Variants in NEBL observed in about 807,000 individuals in gnomAD.
NEBL encodes the protein LIM and SH3 protein 2.
NEBL carries 122 observed loss-of-function variants against 140.2 expected under a neutral mutation model. The observed-to-expected ratio is 0.87, with a 90% CI of 0.75 to 1.01. The LOEUF (loss-of-function observed/expected upper bound fraction) is 1.01, where lower values mean the gene tolerates loss of function less well. Among genes scored for constraint, NEBL ranks in the 50% least tolerant of loss-of-function variants. The pLI, the probability that NEBL is intolerant of heterozygous loss-of-function variation, is 0.00. For synonymous variants in NEBL, 436 were observed against 398.9 expected (o/e 1.09, Z -1.11); for missense variants, 1,365 against 1,231.3 (o/e 1.11, Z -1.62).
intron 4 of NEBL, among the ~76,000 whole-genome samples, chr10:20,957,438 T>C (rs946387556): frequency 8.5e-5 from 13 of 152,134 alleles, no homozygotes; most frequent in Admixed American, 3.9e-4. Flanking sequence ...TTCTTATAAA[T>C]GGGTATGCGA....
chr10:20,973,976 T>C (rs1407674604), intron 3 of NEBL, among the ~76,000 whole-genome samples: 2 of 152,206 alleles, frequency 1.3e-5, no homozygotes, highest in South Asian at 2.1e-4. Context: ...TTGGATTTTA[T>C]ACCCCAGTAT....
At chr10:21,117,026 T>C (rs1229424460) in intron 2 of NEBL, among the ~76,000 whole-genome samples, 1 of 152,096 alleles carries the variant, frequency 6.6e-6, no homozygotes, top group East Asian at 1.9e-4. Context: ...ACTTTGTTGG[T>C]GCTGGAGCTT....
intron 11 of NEBL, among the ~76,000 whole-genome samples, 153 bp downstream of exon 11, chr10:20,850,242 C>T (rs1588793474): frequency 6.6e-6 from 1 of 152,164 alleles, no homozygotes; most frequent in African/African-American, 2.4e-5. Context: ...TAGACAAGAT[C>T]CCAGGCAGTG....
intron 2 of NEBL, among the ~76,000 whole-genome samples, chr10:21,065,194 C>T (rs1246434325): frequency 3.3e-5 from 5 of 152,068 alleles, no homozygotes; most frequent in African/African-American, 4.8e-5. Flanking sequence ...AAATCTGACC[C>T]CACAGCATAT....
At chr10:21,084,267 C>T (rs971829596) in intron 2 of NEBL, among the ~76,000 whole-genome samples, 2 of 152,246 alleles carry the variant, frequency 1.3e-5, no homozygotes, top group Non-Finnish European at 2.9e-5. Flanking sequence ...TGCAGCTATA[C>T]ATACATTGTT....
At chr10:21,268,869 A>G (rs1410352632) in intron 1 of NEBL, among the ~76,000 whole-genome samples, 2 of 152,204 alleles carry the variant, frequency 1.3e-5, no homozygotes, top group African/African-American at 4.8e-5. Flanking sequence ...ACAAGAAGAT[A>G]GGGTGGATTA....
At chr10:20,916,184 C>T (rs1848548248) in intron 4 of NEBL, among the ~76,000 whole-genome samples, 1 of 152,114 alleles carries the variant, frequency 6.6e-6, no homozygotes, top group East Asian at 1.9e-4. Context: ...AATTTTAGAA[C>T]TACAGGCAAG....
intron 1 of NEBL, among the ~76,000 whole-genome samples, chr10:21,172,894 C>G (rs1841143914): frequency 6.6e-6 from 1 of 152,188 alleles, no homozygotes; most frequent in African/African-American, 2.4e-5. Flanking sequence ...CGAAGTCAGG[C>G]AAGCTGAGGG....
intron 26 of NEBL, among the ~76,000 whole-genome samples, chr10:20,804,085 G>C (rs1271933262): frequency 6.6e-6 from 1 of 151,934 alleles, no homozygotes; most frequent in Non-Finnish European, 1.5e-5. Flanking sequence ...AAGAGCTAGA[G>C]ATACAACAGT....
chr10:20,877,925 A>C (rs186198926), intron 5 of NEBL, among the ~76,000 whole-genome samples: 1 of 152,224 alleles, frequency 6.6e-6, no homozygotes, highest in Non-Finnish European at 1.5e-5. Flanking sequence ...TCTTTTGCCT[A>C]GTAAACCTCC....
At chr10:20,858,182 C>T in intron 9 of NEBL, 58 bp downstream of exon 9, 2 of 1,326,808 alleles carry the variant, frequency 1.5e-6, no homozygotes, top group Non-Finnish European at 2.2e-6. Context: ...ACGCTGCAGA[C>T]ATATTGGCTT....
rs145325750 is a variant in NEBL at position 21,247,192 on chromosome 10, T to C, written n.348+729A>G. Among the ~76,000 whole-genome samples, 21 of 152,332 alleles carry C rather than the reference T, an allele frequency of 1.4e-4. No individual in the cohort carries two copies. The East Asian group carries it at 4.1e-3, about 29-fold the overall frequency. On this transcript the variant is annotated intron_variant and non_coding_transcript_variant, in intron 3 of 8. Coordinates refer to the NEBL transcript ENST00000675702. ...GGAACTGTAAGTCAATTAAACCTCT[T>C]TCCTTCATAAATTACCCAGTCTCAC...
At chr10:21,067,703 A>G (rs1358952561) in intron 2 of NEBL, among the ~76,000 whole-genome samples, 1 of 152,178 alleles carries the variant, frequency 6.6e-6, no homozygotes, top group African/African-American at 2.4e-5. Flanking sequence ...AATACAGGCT[A>G]GGCACGGTGG....
At chr10:21,191,895 A>G (rs1841579996) in intron 3 of NEBL, among the ~76,000 whole-genome samples, 1 of 152,240 alleles carries the variant, frequency 6.6e-6, no homozygotes, top group Admixed American at 6.5e-5. Context: ...GGAGACCTAG[A>G]GACAGTGGGA....
chr10:20,868,710 C>A lies in NEBL; in HGVS notation c.638G>T (p.Arg213Ile), dbSNP rs1554792904. ...IMNKEPAVIG[R>I]PDFEHAVEAS... ...TTCCACGGCATGTTCAAAATCTGGT[C>A]TTCCAATTACAGCGGGCTCTTTATT... The change falls in exon 7 of 28, where the codon AGA (arginine) becomes ATA (isoleucine). Residue 213 changes from arginine (R) to isoleucine (I), a missense_variant. Arg to Ile is a moderately conservative substitution (Grantham distance 97). Coordinates refer to ENST00000377122, the MANE Select transcript of NEBL (RefSeq NM_006393.3). 2 of 1,613,074 alleles carry A rather than the reference C, an allele frequency of 1.2e-6. No individual in the cohort carries two copies. Among genetic ancestry groups the A allele is most frequent in the East Asian group, 2.2e-5 (1 of 44,800 alleles).
rs73607590 is a variant in NEBL at position 21,099,148 on chromosome 10, A to G, written c.164+73235T>C. ...ACCCTGTCTCTAAAAATAAAAATAA[A>G]ATCAAAACAGAGTGAAGCATATATA... On this transcript the variant is annotated intron_variant, in intron 2 of 6. Coordinates refer to the NEBL transcript ENST00000417816. 2.5e-3 allele frequency among the ~76,000 whole-genome samples: 383 copies of G among 152,344 alleles called. 1 individual carries two copies. The highest frequency in any genetic ancestry group is 8.3e-3 in the African/African-American group (344 of 41,582).
intron 2 of NEBL, among the ~76,000 whole-genome samples, chr10:21,167,241 C>T (rs778206074): frequency 2.0e-5 from 3 of 152,256 alleles, no homozygotes; most frequent in Admixed American, 6.5e-5. Context: ...TTAAAGTCTT[C>T]GGAAACCATG....
At chr10:21,133,394 T>C (rs141770489) in intron 2 of NEBL, among the ~76,000 whole-genome samples, 136 of 152,310 alleles carry the variant, frequency 8.9e-4, no homozygotes, top group African/African-American at 3.1e-3. Flanking sequence ...TGTGACCTGT[T>C]ACAATTTCTC....
intron 19 of NEBL, among the ~76,000 whole-genome samples, chr10:20,820,375 A>T (rs1839177146): frequency 6.6e-6 from 1 of 152,220 alleles, no homozygotes; most frequent in African/African-American, 2.4e-5. Context: ...CAGAATGGCA[A>T]ATGAACTTTT....
Sources: gnomAD v4.1 joint callset for allele counts (sites outside exome capture counted in the v4.1 genomes callset) on GRCh38, gnomAD v4.1.1 for gene constraint, MANE v1.5 for transcripts, NCBI Gene and HGNC (gene_info 2026-07-23, HGNC 2026-07-21) for gene names.